ITPR2: variants seen among roughly 807,000 people sequenced by gnomAD.
The protein encoded by ITPR2 is inositol 1,4,5-trisphosphate receptor type 2.
Under a neutral mutation model 317.1 loss-of-function variants are expected in ITPR2, and 207 were observed. The ratio of observed to expected loss-of-function variants is 0.65; its 90% confidence interval spans 0.58 to 0.73. The LOEUF (loss-of-function observed/expected upper bound fraction) is 0.73. Among genes scored for constraint, ITPR2 ranks in the 30% least tolerant of loss-of-function variants. The probability of loss-of-function intolerance (pLI) is 0.00; values close to 1 mark genes in which losing one functional copy is unlikely to be tolerated. For missense variants in ITPR2, 2,613 were observed against 3,284.0 expected (o/e 0.80, Z 4.99); for synonymous variants, 1,156 against 1,149.1 (o/e 1.01, Z -0.12).
chr12:26,594,271 G>A (rs1224545768), intron 32 of ITPR2, among the ~76,000 whole-genome samples: 1 of 151,778 alleles, frequency 6.6e-6, no homozygotes, highest in Non-Finnish European at 1.5e-5. Context: ...GGTAAACTAA[G>A]CACATTTCAC....
At chr12:26,740,029 G>A (rs965486466) in intron 2 of ITPR2, among the ~76,000 whole-genome samples, 15 of 152,298 alleles carry the variant, frequency 9.8e-5, no homozygotes, top group East Asian at 9.6e-4. Flanking sequence ...TGACTTCCCC[G>A]CACACGGCAG....
At chr12:26,652,029 TTGGTGCTCTTATCTACC>T (rs1017618446) in intron 21 of ITPR2, among the ~76,000 whole-genome samples, 1 of 152,236 alleles carries the variant, frequency 6.6e-6, no homozygotes, top group Non-Finnish European at 1.5e-5. Flanking sequence ...TCCTTTTAAG[TTGGTGCTCTTATCTACC>T]TGGATACTTT....
chr12:26,370,669 T>C (rs1403198387), intron 55 of ITPR2, among the ~76,000 whole-genome samples: 17 of 151,772 alleles, frequency 1.1e-4, no homozygotes, highest in Non-Finnish European at 1.5e-5. Context: ...GTTGTTGTTG[T>C]TGTTTGTTGT....
intron 2 of ITPR2, among the ~76,000 whole-genome samples, chr12:26,737,363 C>G (rs1949142204): frequency 6.6e-6 from 1 of 152,036 alleles, no homozygotes; most frequent in Non-Finnish European, 1.5e-5. Flanking sequence ...TCAAGCGATT[C>G]TCCTGTCTCA....
chr12:26,454,637 G>A (rs1300042619), intron 45 of ITPR2, among the ~76,000 whole-genome samples: 1 of 151,710 alleles, frequency 6.6e-6, no homozygotes, highest in Non-Finnish European at 1.5e-5. Flanking sequence ...ACATCAAAAG[G>A]TGAAGAAAGT....
intron 36 of ITPR2, among the ~76,000 whole-genome samples, chr12:26,552,358 T>A (rs1381901936): frequency 6.6e-6 from 1 of 152,068 alleles, no homozygotes; most frequent in East Asian, 1.9e-4. Flanking sequence ...CTGGCTAAAT[T>A]TTTTTACTTT....
intron 37 of ITPR2, among the ~76,000 whole-genome samples, chr12:26,532,844 C>T (rs1372245196): frequency 1.3e-5 from 2 of 152,046 alleles, no homozygotes; most frequent in African/African-American, 4.8e-5. Context: ...CACCACCACG[C>T]CCAGCTAATT....
intron 45 of ITPR2, among the ~76,000 whole-genome samples, chr12:26,470,440 C>A (rs77136321): frequency 0.029 from 4,351 of 152,168 alleles, 215 homozygotes; most frequent in African/African-American, 0.097. Flanking sequence ...ATATGACTGA[C>A]AAAGAGTTAT....
intron 37 of ITPR2, among the ~76,000 whole-genome samples, chr12:26,509,958 TTGTGTGTGTGTGTGTGTGTG>T (rs56063133): frequency 9.4e-5 from 5 of 53,196 alleles, no homozygotes; most frequent in Non-Finnish European, 1.6e-4. Flanking sequence ...GATAAGGGTT[TTGTGTGTGTGTGTGTGTGTG>T]TGTGTGTGTG....
At chr12:26,822,111 C>G (rs1288245939) in intron 1 of ITPR2, among the ~76,000 whole-genome samples, 1 of 152,122 alleles carries the variant, frequency 6.6e-6, no homozygotes, top group East Asian at 1.9e-4. Context: ...CTAGACATTA[C>G]TTCACTAAAA....
intron 7 of ITPR2, 143 bp from the exon 8 acceptor site, chr12:26,715,588 A>T: frequency 2.3e-6 from 2 of 858,220 alleles, no homozygotes; most frequent in Non-Finnish European, 3.5e-6. Flanking sequence ...TTAAACATTT[A>T]AAAATGTGGG....
At chr12:26,370,493 T>C (rs188201758) in intron 55 of ITPR2, among the ~76,000 whole-genome samples, 34 of 152,332 alleles carry the variant, frequency 2.2e-4, no homozygotes, top group African/African-American at 7.2e-4. Flanking sequence ...AGCAAATCCA[T>C]GTAAATATTA....
chr12:26,444,235 T>C (rs1941555705), intron 45 of ITPR2, among the ~76,000 whole-genome samples: 1 of 152,176 alleles, frequency 6.6e-6, no homozygotes, highest in South Asian at 2.1e-4. Flanking sequence ...TTTAAACTGC[T>C]TGTAGTGGAA....
chr12:26,807,531 C>T (rs1235807743), intron 1 of ITPR2, among the ~76,000 whole-genome samples: 1 of 152,236 alleles, frequency 6.6e-6, no homozygotes, highest in Non-Finnish European at 1.5e-5. Flanking sequence ...GAATCCAAAT[C>T]ACTGCCTCTG....
chr12:26,346,910 C>T (rs11048474), intron 55 of ITPR2, among the ~76,000 whole-genome samples: 22,039 of 152,024 alleles, frequency 0.14, 1,832 homozygotes, highest in East Asian at 0.22. Flanking sequence ...GATGTAAAGA[C>T]AGCTTAAAAA....
At position 26,516,213 on chromosome 12, in the gene ITPR2, GAAGGAAAGGAAAGGA is replaced by G. The variant is rs1164570920; in HGVS notation, c.5074-20968_5074-20954del. Reference sequence around the variant, plus strand: ...GGCGGGGGAGGGAAGGGGAGGACAGGAAGGAAAGGAAAGGAAAGGAAAGGAAAGGAAAGGAAAGGA... The same window carrying G: ...GGCGGGGGAGGGAAGGGGAGGACAGGAAGGAAAGGAAAGGAAAGGAAAGGA... On this transcript the variant is annotated intron_variant, in intron 37 of 56. Transcript: ENST00000381340. Among the ~76,000 whole-genome samples, 182 of 40,268 alleles carry G rather than the reference GAAGGAAAGGAAAGGA, an allele frequency of 4.5e-3. 11 individuals carry two copies. Among genetic ancestry groups the G allele is most frequent in the Admixed American group, 8.1e-3 (28 of 3,450 alleles). The allele number at this position is 40,268 out of a possible 152,430, so 26.4% of individuals were successfully genotyped here.
intron 47 of ITPR2, among the ~76,000 whole-genome samples, 154 bp from the exon 48 acceptor site, chr12:26,436,500 T>G (rs143108370): frequency 2.6e-5 from 4 of 152,322 alleles, no homozygotes; most frequent in African/African-American, 9.6e-5. Context: ...GTAAGTTTAT[T>G]AAAAACAATC....
At chr12:26,510,182 T>G (rs940882221) in intron 37 of ITPR2, among the ~76,000 whole-genome samples, 1 of 152,148 alleles carries the variant, frequency 6.6e-6, no homozygotes, top group African/African-American at 2.4e-5. Flanking sequence ...CCATATTGAA[T>G]TATGCCAGCT....
chr12:26,389,935 T>C (rs1018848071), intron 54 of ITPR2, among the ~76,000 whole-genome samples: 2 of 152,194 alleles, frequency 1.3e-5, no homozygotes, highest in East Asian at 3.8e-4. Flanking sequence ...CACTAGAGTA[T>C]AAGAGCCACC....
Sources: allele counts gnomAD v4.1 joint callset (sites outside exome capture counted in the v4.1 genomes callset), GRCh38; gene constraint gnomAD v4.1.1; transcripts MANE v1.5; gene names NCBI Gene and HGNC (gene_info 2026-07-23, HGNC 2026-07-21).